Variants in LARS2 observed in about 807,000 individuals in gnomAD.
The protein encoded by LARS2 is leucyl-tRNA synthetase 2, mitochondrial.
In LARS2, 81 loss-of-function variants were observed where a neutral mutation model predicts 116.6. The observed-to-expected ratio is 0.69, with a 90% CI of 0.58 to 0.84. The LOEUF is 0.84. LARS2 is among the 40% of genes least tolerant of loss of function. The pLI is 0.00. For missense variants in LARS2, 968 were observed against 1,114.5 expected, an observed-to-expected ratio of 0.87 and a Z score of 1.87; for synonymous variants, 396 against 407.2, an observed-to-expected ratio of 0.97 and a Z score of 0.33.
intron 6 of LARS2, among the ~76,000 whole-genome samples, chr3:45,437,515 C>G (rs1698827350): frequency 6.6e-6 from 1 of 152,130 alleles, no homozygotes; most frequent in African/African-American, 2.4e-5. Context: ...GGAGAAGAGG[C>G]TGAGAGGAAG....
intron 15 of LARS2, among the ~76,000 whole-genome samples, chr3:45,501,705 G>C (rs932364128): frequency 2.0e-5 from 3 of 152,140 alleles, no homozygotes; most frequent in Admixed American, 6.5e-5. Context: ...GAGTAGAATT[G>C]CTCGATTGTA....
At position 45,400,327 on chromosome 3, in the gene LARS2, C is replaced by A. The variant is rs556672032; in HGVS notation, c.317C>A (p.Thr106Asn). 4.3e-6 allele frequency: 7 copies of A among 1,613,912 alleles called. No individual in the cohort carries two copies. The change falls in exon 4 of 22, where the codon ACC becomes AAC. Residue 106 changes from threonine to asparagine, a missense_variant. Physicochemically the swap from Thr to Asn is moderately conservative, Grantham distance 65. Coordinates refer to ENST00000645846, the MANE Select transcript of LARS2 (RefSeq NM_015340.4). ...CACATGGGCCATGTGCGTGTCTACA[C>A]CATCAGCGACACCATAGCACGGTTC... The part of the protein sequence containing the change: ...KLHMGHVRVY[T>N]ISDTIARFQK...
chr3:45,512,022 G>T (rs182344972), intron 15 of LARS2, among the ~76,000 whole-genome samples: 77 of 152,144 alleles, frequency 5.1e-4, no homozygotes, highest in Middle Eastern at 6.8e-3. Flanking sequence ...CAATCCACCT[G>T]CCTCGGCCTC....
intron 20 of LARS2, 102 bp from the exon 21 acceptor site, chr3:45,541,727 C>T: frequency 2.0e-6 from 3 of 1,463,772 alleles, no homozygotes; most frequent in Admixed American, 2.0e-5. Context: ...GCTCCTCACA[C>T]AGCTCCAAGC....
chr3:45,537,701 C>G (rs1200078986), intron 20 of LARS2, among the ~76,000 whole-genome samples: 1 of 152,184 alleles, frequency 6.6e-6, no homozygotes, highest in Non-Finnish European at 1.5e-5. Flanking sequence ...ACTCTTCCCC[C>G]CTGGTGTGTC....
intron 21 of LARS2, among the ~76,000 whole-genome samples, chr3:45,546,678 C>G (rs796505911): frequency 3.3e-5 from 5 of 152,180 alleles, no homozygotes; most frequent in African/African-American, 1.2e-4. Context: ...GGAAGCATGA[C>G]TTCAGAAACT....
chr3:45,541,705 G>A (rs1431638727), intron 20 of LARS2, 124 bp from the exon 21 acceptor site: 7 of 1,253,280 alleles, frequency 5.6e-6, no homozygotes, highest in Non-Finnish European at 7.7e-6. Context: ...GCCATGGTCT[G>A]GCTTCCCACC....
At chr3:45,411,929 G>A (rs536663226) in intron 4 of LARS2, among the ~76,000 whole-genome samples, 1 of 152,156 alleles carries the variant, frequency 6.6e-6, no homozygotes, top group Non-Finnish European at 1.5e-5. Flanking sequence ...ACTTATAAGT[G>A]AGAACATGTG....
At chr3:45,447,873 G>A (rs1699048091) in intron 7 of LARS2, among the ~76,000 whole-genome samples, 1 of 152,182 alleles carries the variant, frequency 6.6e-6, no homozygotes, top group African/African-American at 2.4e-5. Flanking sequence ...GAGCATCATA[G>A]TGTGGCCTAG....
At chr3:45,487,465 T>G (rs1699835437) in intron 11 of LARS2, among the ~76,000 whole-genome samples, 1 of 152,200 alleles carries the variant, frequency 6.6e-6, no homozygotes, top group African/African-American at 2.4e-5. Context: ...TTCCGAGATC[T>G]GACTTAAGCA....
chr3:45,462,944 G>A (rs951863703), intron 8 of LARS2, among the ~76,000 whole-genome samples: 8 of 152,186 alleles, frequency 5.3e-5, no homozygotes, highest in African/African-American at 1.9e-4. Flanking sequence ...AGGATTGTTT[G>A]CTTTGTGAAA....
Position 45,441,023 on chromosome 3 carries a change from CTTT to C in LARS2, c.517-5850_517-5848del, listed in dbSNP as rs148736694. ...TCACTCACCCCTGCCATCACACACTCTTTTTTTTTTTTTTTTTTTTGAGACGGA... is the reference window on the plus strand; with the variant it reads ...TCACTCACCCCTGCCATCACACACTCTTTTTTTTTTTTTTTTTGAGACGGA... On this transcript the variant is annotated intron_variant, in intron 6 of 21. Transcript: ENST00000645846. Among the ~76,000 whole-genome samples, 475 of 87,076 alleles carry C rather than the reference CTTT, an allele frequency of 5.5e-3. 2 individuals are homozygous for C. The highest frequency in any genetic ancestry group is 0.013 in the Middle Eastern group (2 of 154). 57.1% of individuals were successfully genotyped at this position (87,076 alleles called of 152,430 possible). A position where few individuals can be genotyped will look rare whatever the true frequency, so the allele number is the denominator to read the frequency against.
intron 3 of LARS2, among the ~76,000 whole-genome samples, chr3:45,399,928 A>G (rs908423533): frequency 3.3e-5 from 5 of 152,064 alleles, no homozygotes; most frequent in South Asian, 2.1e-4. Context: ...ATAGTCTCCA[A>G]TCTCACCCAG....
intron 4 of LARS2, among the ~76,000 whole-genome samples, 177 bp downstream of exon 4, chr3:45,400,550 G>A (rs1174695867): frequency 6.6e-6 from 1 of 152,222 alleles, no homozygotes; most frequent in Non-Finnish European, 1.5e-5. Flanking sequence ...TTATAATAAA[G>A]CATCTAGGTT....
chr3:45,453,344 T>C (rs1468729681), intron 7 of LARS2, among the ~76,000 whole-genome samples: 1 of 152,222 alleles, frequency 6.6e-6, no homozygotes, highest in Admixed American at 6.5e-5. Context: ...CTTGTGCTGG[T>C]ATTTAGCCTT....
At chr3:45,471,267 TTTA>T (rs1699521905) in intron 8 of LARS2, among the ~76,000 whole-genome samples, 1 of 152,176 alleles carries the variant, frequency 6.6e-6, no homozygotes, top group South Asian at 2.1e-4. Context: ...GAATCATGTG[TTTA>T]TTATACAGTG....
At chr3:45,494,489 G>A (rs900275657) in intron 13 of LARS2, among the ~76,000 whole-genome samples, 13 of 152,146 alleles carry the variant, frequency 8.5e-5, no homozygotes, top group African/African-American at 1.9e-4. Flanking sequence ...TGCCCAAAGC[G>A]CAATATTTGG....
chr3:45,507,623 A>G (rs1403053582), intron 15 of LARS2, among the ~76,000 whole-genome samples: 1 of 152,126 alleles, frequency 6.6e-6, no homozygotes, highest in African/African-American at 2.4e-5. Flanking sequence ...CAATTAAATT[A>G]CAAAGAATGT....
intron 8 of LARS2, among the ~76,000 whole-genome samples, chr3:45,461,786 G>A (rs1230038666): frequency 6.6e-6 from 1 of 152,206 alleles, no homozygotes; most frequent in African/African-American, 2.4e-5. Context: ...AGAGTATGTA[G>A]GAGATGGTAA....
Sources: gnomAD v4.1 joint callset for allele counts (sites outside exome capture counted in the v4.1 genomes callset) on GRCh38, gnomAD v4.1.1 for gene constraint, MANE v1.5 for transcripts, NCBI Gene and HGNC (gene_info 2026-07-23, HGNC 2026-07-21) for gene names.